ZNF568: variants seen among roughly 807,000 people sequenced by gnomAD.
ZNF568 encodes the protein p53 inhibitor of SCO2 activation.
ZNF568 carries 11 observed loss-of-function variants against 18.1 expected under a neutral mutation model. The observed-to-expected ratio is 0.61, with a 90% CI of 0.38 to 1.00. The LOEUF (loss-of-function observed/expected upper bound fraction) is 1.00, where lower values mean the gene tolerates loss of function less well. Among genes scored for constraint, ZNF568 ranks in the 50% least tolerant of loss-of-function variants. The pLI is 0.01. For missense variants in ZNF568, 639 were observed against 768.2 expected (o/e 0.83, Z 1.99); for synonymous variants, 213 against 246.6 (o/e 0.86, Z 1.28).
intron 6 of ZNF568, among the ~76,000 whole-genome samples, chr19:36,947,616 T>TC (rs1248992442): frequency 6.6e-6 from 1 of 152,156 alleles, no homozygotes; most frequent in African/African-American, 2.4e-5. Context: ...GTGTAACTGC[T>TC]CCCTACTCAG....
rs368535065 is a variant in ZNF568, at chr19:36,946,401, CTTAA to C, written c.359-3105_359-3102del. 4.0e-3 allele frequency among the ~76,000 whole-genome samples: 610 copies of C among 152,032 alleles called. 5 individuals carry two copies. Among genetic ancestry groups the C allele is most frequent in the African/African-American group, 0.014 (581 of 41,482 alleles). ...GTTTACTATGAGGCAAGAAATGACT[CTTAA>C]TTAATATACTTATATAACTTTTTGT... On this transcript the variant is annotated intron_variant, in intron 6 of 6. Transcript: ENST00000333987.
downstream of ZNF568, chr19:36,997,774 G>A: frequency 1.8e-6 from 1 of 550,026 alleles, no homozygotes; most frequent in Non-Finnish European, 3.1e-6. Flanking sequence ...ATACTGATTT[G>A]GAAAAAAAAA....
At chr19:36,957,920 T>C (rs558099153) in intron 6 of ZNF568, among the ~76,000 whole-genome samples, 36 of 152,190 alleles carry the variant, frequency 2.4e-4, no homozygotes, top group Non-Finnish European at 4.6e-4. Flanking sequence ...ACCCAAAAGA[T>C]TGCCTTATTG....
intron 2 of ZNF568, among the ~76,000 whole-genome samples, chr19:36,919,412 T>A (rs899966321): frequency 2.0e-5 from 3 of 152,136 alleles, no homozygotes; most frequent in Admixed American, 1.3e-4. Flanking sequence ...AGGGAGTGGT[T>A]TTGTGGAAGA....
intron 6 of ZNF568, among the ~76,000 whole-genome samples, chr19:36,971,253 A>C (rs943061073): frequency 2.9e-5 from 4 of 139,358 alleles, no homozygotes; most frequent in African/African-American, 1.1e-4. Flanking sequence ...AAAAACTCTT[A>C]AACTCTTTAT....
chr19:36,937,202 C>T lies in ZNF568; in HGVS notation c.318C>T (p.Pro106=). Residue 106 remains proline (P), a synonymous_variant, in exon 6 of 7, where the codon CCC becomes CCT. Transcript: ENST00000333987. ...VIFKLEQEEE[P]WVMEEEMFGR... ...TCAAGTTGGAGCAAGAAGAGGAGCC[C>T]TGGGTGATGGAGGAAGAAATGTTTG... is the stretch of plus-strand genomic sequence containing the variant. The T allele has an allele frequency of 6.2e-7, 1 of 1,613,988 alleles. No individual in the cohort carries two copies. The highest frequency in any genetic ancestry group is 8.5e-7 in the Non-Finnish European group (1 of 1,179,924).
Position 36,959,476 on chromosome 19 carries a change from T to TAAAAAGAAACAACATAAAA in ZNF568, c.359-14943_359-14942insAAAAGAAACAACATAAAAA, listed in dbSNP as rs1315725579. Among the ~76,000 whole-genome samples, 1,037 of 152,298 alleles carry TAAAAAGAAACAACATAAAA rather than the reference T, an allele frequency of 6.8e-3. 5 individuals carry two copies. The highest frequency in any genetic ancestry group is 8.5e-3 in the Non-Finnish European group (579 of 68,020). ...AGATATCAGCCTTTAGTTTTCTTTT[T>TAAAAAGAAACAACATAAAA]ATGTTGTGTCCTTCTCTGGTTTTGG... On this transcript the variant is annotated intron_variant, in intron 6 of 7. Transcript: ENST00000427117.
In ZNF568 at chr19:36,945,767, ATG is replaced by A. The variant is rs1389988741; in HGVS notation, c.359-3735_359-3734del. On this transcript the variant is annotated intron_variant, in intron 6 of 6. Coordinates refer to ENST00000333987, the MANE Select transcript of ZNF568 (RefSeq NM_198539.4). ...TGTGTGTGTGTGTGTGTGTGTATGT[ATG>A]TGTGTGTGTTTTTTTAAATAGTGGA... Among the ~76,000 whole-genome samples, 16 of 149,458 alleles carry A rather than the reference ATG, an allele frequency of 1.1e-4. No homozygotes were observed. In the Admixed American group the frequency reaches 1.1e-3, roughly 10 times the overall value.
chr19:36,962,541 A>G (rs1324585411), intron 6 of ZNF568, among the ~76,000 whole-genome samples: 1 of 151,770 alleles, frequency 6.6e-6, no homozygotes, highest in African/African-American at 2.4e-5. Flanking sequence ...GTCTTTTACC[A>G]TGTTGGCCAG....
At chr19:36,957,359 G>A (rs1348095124), downstream of ZNF568, among the ~76,000 whole-genome samples, 1 of 151,200 alleles carries the variant, frequency 6.6e-6, no homozygotes. Context: ...AGCCTCCCAA[G>A]TAGCTGGGAT....
rs1236531766 is a variant in ZNF568, at chr19:36,932,672, A to G, written c.136-4074A>G. ...ACATTCCCACCAGCTGTGTATGAGG[A>G]TTCCAGTTTCTCCATCAGCACTTGT... On this transcript the variant is annotated intron_variant, in intron 4 of 6. Transcript: ENST00000333987. Among the ~76,000 whole-genome samples, 3 of 151,904 alleles carry G rather than the reference A, an allele frequency of 2.0e-5. No homozygotes were observed. In the East Asian group the frequency reaches 5.8e-4, roughly 29 times the overall value.
In ZNF568 at chr19:36,979,097, C is replaced by T. The variant is rs189483371; in HGVS notation, c.499C>T (p.Pro167Ser). 2.2e-3 allele frequency: 583 copies of T among 260,156 alleles called. 5 individuals carry two copies. The highest frequency in any genetic ancestry group is 0.013 in the African/African-American group (544 of 42,156). 16.1% of individuals were successfully genotyped at this position (260,156 alleles called of 1,614,324 possible). The change falls in exon 8 of 8, where the codon CCT becomes TCT. Residue 167 changes from proline (P) to serine (S), a missense_variant. By Grantham distance (74) the Pro-to-Ser change is moderately conservative (BLOSUM62 -1). Transcript: ENST00000427117. ...CTCCCGAGTTGAAGTGATTCTCCTG[C>T]CTCAGCCTCCCGAGTAGCTGGGATT...
intron 6 of ZNF568, among the ~76,000 whole-genome samples, chr19:36,963,151 G>T (rs1423819234): frequency 1.3e-5 from 2 of 152,094 alleles, no homozygotes. Context: ...CAAGAATAAG[G>T]CTACCATGAA....
At chr19:36,984,120 C>G (rs970900270), downstream of ZNF568, among the ~76,000 whole-genome samples, 1 of 151,870 alleles carries the variant, frequency 6.6e-6, no homozygotes, top group Non-Finnish European at 1.5e-5. Context: ...AGGATGGTCT[C>G]GATCTCCTGA....
chr19:36,954,736 T>A (rs1024770483), downstream of ZNF568, among the ~76,000 whole-genome samples: 4 of 87,446 alleles, frequency 4.6e-5, no homozygotes. Flanking sequence ...GCCTGGCTAA[T>A]TTTTTTTTTT....
chr19:36,956,159 G>C (rs1005999125), downstream of ZNF568, among the ~76,000 whole-genome samples: 1 of 152,196 alleles, frequency 6.6e-6, no homozygotes, highest in Non-Finnish European at 1.5e-5. Context: ...GTGGGAACTC[G>C]AGTGTAAGCT....
At chr19:36,919,494 G>A (rs1335320752) in intron 2 of ZNF568, among the ~76,000 whole-genome samples, 2 of 152,094 alleles carry the variant, frequency 1.3e-5, no homozygotes, top group Admixed American at 6.6e-5. Context: ...CAAATCATGA[G>A]GCATTAGATT....
downstream of ZNF568, among the ~76,000 whole-genome samples, chr19:36,980,945 A>G (rs1190549765): frequency 2.0e-5 from 3 of 152,208 alleles, no homozygotes; most frequent in Admixed American, 6.5e-5. Context: ...TCATGAGCAT[A>G]AACTAACAGA....
chr19:36,923,896 A>G (rs1408129260), intron 3 of ZNF568, among the ~76,000 whole-genome samples: 1 of 152,030 alleles, frequency 6.6e-6, no homozygotes, highest in East Asian at 1.9e-4. Flanking sequence ...GTTAAGTTAG[A>G]TACCACTCAT....
Sources: allele counts gnomAD v4.1 joint callset (sites outside exome capture counted in the v4.1 genomes callset), GRCh38; gene constraint gnomAD v4.1.1; transcripts MANE v1.5; gene names NCBI Gene and HGNC (gene_info 2026-07-23, HGNC 2026-07-21).